APBA1: variants seen among roughly 807,000 people sequenced by gnomAD.
APBA1 encodes amyloid-beta A4 precursor protein-binding family A member 1.
APBA1 carries 55 observed loss-of-function variants against 86.6 expected under a neutral mutation model. The observed-to-expected ratio is 0.64, with a 90% CI of 0.51 to 0.80. APBA1 has a LOEUF of 0.80. APBA1 is among the 30% of genes least tolerant of loss of function. APBA1 has a pLI of 0.00. For synonymous variants in APBA1, 511 were observed against 493.9 expected, an observed-to-expected ratio of 1.03 and a Z score of -0.46; for missense variants, 1,090 against 1,183.0, an observed-to-expected ratio of 0.92 and a Z score of 1.15.
At chr9:69,650,612 A>G (rs563335395) in intron 1 of APBA1, among the ~76,000 whole-genome samples, 2 of 152,240 alleles carry the variant, frequency 1.3e-5, no homozygotes, top group African/African-American at 4.8e-5. Flanking sequence ...ATATGCACGA[A>G]TAACCTGAAT....
At chr9:69,551,730 G>A (rs1038348710) in intron 1 of APBA1, among the ~76,000 whole-genome samples, 1 of 152,118 alleles carries the variant, frequency 6.6e-6, no homozygotes, top group Non-Finnish European at 1.5e-5. Flanking sequence ...TCTGTATCAT[G>A]GAGTTTGAAG....
intron 1 of APBA1, among the ~76,000 whole-genome samples, chr9:69,619,292 C>A (rs2133988348): frequency 6.6e-6 from 1 of 152,284 alleles, no homozygotes; most frequent in South Asian, 2.1e-4. Context: ...CACTCTGAGT[C>A]ATTCATGAAG....
chr9:69,657,837 ATCTTTTCCTCT>A (rs1348864437), intron 1 of APBA1, among the ~76,000 whole-genome samples: 3 of 152,216 alleles, frequency 2.0e-5, no homozygotes, highest in East Asian at 1.9e-4. Flanking sequence ...TATATTTTTA[ATCTTTTCCTCT>A]TCTTTTCCTC....
intron 1 of APBA1, among the ~76,000 whole-genome samples, chr9:69,558,522 T>TTA (rs1213083461): frequency 5.1e-5 from 5 of 97,120 alleles, no homozygotes; most frequent in African/African-American, 1.2e-4. Flanking sequence ...CTATCTTAAA[T>TTA]TATATATATA....
intron 5 of APBA1, among the ~76,000 whole-genome samples, chr9:69,460,145 A>C (rs576817050): frequency 6.6e-6 from 1 of 152,332 alleles, no homozygotes; most frequent in South Asian, 2.1e-4. Context: ...ATTGTAGAGA[A>C]ACTGGATAAG....
At chr9:69,569,654 C>T (rs773466429) in intron 1 of APBA1, among the ~76,000 whole-genome samples, 16 of 152,140 alleles carry the variant, frequency 1.1e-4, no homozygotes, top group African/African-American at 1.9e-4. Flanking sequence ...ACTGAGGCAA[C>T]GTTACACATT....
intron 1 of APBA1, among the ~76,000 whole-genome samples, chr9:69,522,208 A>T (rs1185187248): frequency 1.3e-5 from 2 of 151,926 alleles, no homozygotes; most frequent in Admixed American, 6.6e-5. Context: ...ATGTTTTGTC[A>T]TGTATCTTTG....
chr9:69,468,812 A>T (rs1189823822), intron 4 of APBA1, among the ~76,000 whole-genome samples: 1 of 152,182 alleles, frequency 6.6e-6, no homozygotes, highest in African/African-American at 2.4e-5. Flanking sequence ...ACTGTATAAC[A>T]GTCTACTTAA....
At chr9:69,639,195 C>T (rs1399658481) in intron 1 of APBA1, among the ~76,000 whole-genome samples, 1 of 152,138 alleles carries the variant, frequency 6.6e-6, no homozygotes, top group African/African-American at 2.4e-5. Context: ...TTCTGTGGCT[C>T]ACTGAAGTTG....
chr9:69,541,506 T>C (rs556075698), intron 1 of APBA1, among the ~76,000 whole-genome samples: 28 of 152,144 alleles, frequency 1.8e-4, no homozygotes, highest in African/African-American at 5.8e-4. Flanking sequence ...TATGTCCTCT[T>C]AAAAGAAATG....
intron 1 of APBA1, among the ~76,000 whole-genome samples, chr9:69,616,293 A>G (rs1484945469): frequency 1.3e-5 from 2 of 152,298 alleles, no homozygotes; most frequent in East Asian, 1.9e-4. Context: ...TGCTAATACC[A>G]TATGCTGTAA....
At chr9:69,643,568 T>C (rs911355676) in intron 1 of APBA1, among the ~76,000 whole-genome samples, 4 of 152,084 alleles carry the variant, frequency 2.6e-5, no homozygotes, top group Non-Finnish European at 5.9e-5. Context: ...TCTCCCTCCT[T>C]CTTGTTTCAG....
At chr9:69,466,333 A>T (rs1224211838) in intron 5 of APBA1, among the ~76,000 whole-genome samples, 1 of 152,178 alleles carries the variant, frequency 6.6e-6, no homozygotes, top group Non-Finnish European at 1.5e-5. Flanking sequence ...TGATGGTATG[A>T]GCTATTCACC....
chr9:69,458,479 T>C (rs1447615179), intron 5 of APBA1, among the ~76,000 whole-genome samples: 1 of 152,220 alleles, frequency 6.6e-6, no homozygotes, highest in African/African-American at 2.4e-5. Flanking sequence ...TAATTTTCTT[T>C]ATTGTACGCC....
intron 1 of APBA1, among the ~76,000 whole-genome samples, chr9:69,607,322 A>C (rs1368736871): frequency 6.6e-6 from 1 of 152,134 alleles, no homozygotes; most frequent in Admixed American, 6.5e-5. Context: ...CTTTTATCAA[A>C]CCGTCAGATC....
chr9:69,620,322 G>A (rs1436813475), intron 1 of APBA1, among the ~76,000 whole-genome samples: 2 of 152,220 alleles, frequency 1.3e-5, no homozygotes, highest in African/African-American at 4.8e-5. Context: ...CACTAAGCTA[G>A]GAAAATGGGT....
At chr9:69,450,366 G>C (rs1345104082) in intron 9 of APBA1, among the ~76,000 whole-genome samples, 1 of 152,194 alleles carries the variant, frequency 6.6e-6, no homozygotes, top group Non-Finnish European at 1.5e-5. Context: ...TGGATACACA[G>C]ACTTTTCACA....
At chr9:69,670,659 C>G (rs1823930574) in intron 1 of APBA1, among the ~76,000 whole-genome samples, 1 of 152,162 alleles carries the variant, frequency 6.6e-6, no homozygotes, top group Admixed American at 6.5e-5. Flanking sequence ...CCTACACACA[C>G]CTATCTTTAC....
chr9:69,543,546 A>C (rs1836652329), intron 1 of APBA1, among the ~76,000 whole-genome samples: 1 of 152,184 alleles, frequency 6.6e-6, no homozygotes, highest in African/African-American at 2.4e-5. Context: ...TAGGCTGAGA[A>C]GGTCATGCCA....
Sources: gnomAD v4.1 joint callset for allele counts (sites outside exome capture counted in the v4.1 genomes callset) on GRCh38, gnomAD v4.1.1 for gene constraint, MANE v1.5 for transcripts, NCBI Gene and HGNC (gene_info 2026-07-23, HGNC 2026-07-21) for gene names.